The following NELL2 variants were observed in gnomAD, a reference collection of about 807,000 sequenced individuals.
NELL2 encodes protein kinase C-binding protein NELL2.
In NELL2, 41 loss-of-function variants were observed where a neutral mutation model predicts 109.6. The observed-to-expected ratio is 0.37, with a 90% confidence interval of 0.29 to 0.49. NELL2 has a LOEUF of 0.49. NELL2 is among the 20% of genes least tolerant of loss of function. The probability of loss-of-function intolerance (pLI) is 0.98; values close to 1 mark genes in which losing one functional copy is unlikely to be tolerated. For synonymous variants in NELL2, 355 were observed against 344.7 expected (o/e 1.03, Z -0.33); for missense variants, 900 against 1,008.3 (o/e 0.89, Z 1.45).
At chr12:44,554,503 G>A (rs779521224) in intron 15 of NELL2, among the ~76,000 whole-genome samples, 2 of 152,122 alleles carry the variant, frequency 1.3e-5, no homozygotes, top group Admixed American at 6.5e-5. Flanking sequence ...AAATTTTGGC[G>A]ATAATGGATA....
At chr12:44,682,792 A>G in intron 12 of NELL2, among the ~76,000 whole-genome samples, 2 of 152,144 alleles carry the variant, frequency 1.3e-5, no homozygotes, top group Non-Finnish European at 2.9e-5. Context: ...CTGTTTTGGT[A>G]CCAGTACCAT....
intron 15 of NELL2, among the ~76,000 whole-genome samples, chr12:44,567,519 A>G (rs941741414): frequency 6.6e-6 from 1 of 152,188 alleles, no homozygotes; most frequent in African/African-American, 2.4e-5. Context: ...TGAGAAAATG[A>G]AAAACAGAGG....
intron 9 of NELL2, among the ~76,000 whole-genome samples, chr12:44,743,422 T>C (rs1029876741): frequency 5.3e-5 from 8 of 152,140 alleles, no homozygotes; most frequent in South Asian, 2.1e-4. Context: ...GCTAACATCA[T>C]AATGACAGGA....
At chr12:44,619,108 G>C (rs184902322) in intron 13 of NELL2, among the ~76,000 whole-genome samples, 1 of 152,240 alleles carries the variant, frequency 6.6e-6, no homozygotes, top group East Asian at 1.9e-4. Flanking sequence ...GCATTACATG[G>C]GAAACAGGCC....
chr12:44,845,657 T>A (rs1055505981), intron 2 of NELL2, among the ~76,000 whole-genome samples: 8 of 152,180 alleles, frequency 5.3e-5, no homozygotes, highest in African/African-American at 1.9e-4. Context: ...AAACTGAATT[T>A]CTGAAGTGAA....
At chr12:44,543,809 T>C (rs1942679676) in intron 15 of NELL2, among the ~76,000 whole-genome samples, 2 of 152,162 alleles carry the variant, frequency 1.3e-5, no homozygotes, top group South Asian at 4.1e-4. Flanking sequence ...TTGCAAATCC[T>C]CTGGCTGCAA....
intron 3 of NELL2, among the ~76,000 whole-genome samples, chr12:44,791,134 TACACACGCACACAC>T (rs1257038582): frequency 4.9e-5 from 4 of 81,426 alleles, no homozygotes; most frequent in African/African-American, 2.0e-4. Context: ...TATATATATA[TACACACGCACACAC>T]ATACACACAC....
At chr12:44,670,045 A>G (rs1211186804) in intron 12 of NELL2, among the ~76,000 whole-genome samples, 1 of 152,194 alleles carries the variant, frequency 6.6e-6, no homozygotes, top group Non-Finnish European at 1.5e-5. Flanking sequence ...ATTTCTCAGC[A>G]GAAAATTAGA....
chr12:44,773,488 A>AG (rs1566360800), intron 9 of NELL2, among the ~76,000 whole-genome samples: 3 of 151,742 alleles, frequency 2.0e-5, no homozygotes, highest in African/African-American at 7.3e-5. Flanking sequence ...GAAAAAAAAA[A>AG]AAGAAGTTAA....
At chr12:44,747,444 T>TATAATA (rs200256759) in intron 9 of NELL2, among the ~76,000 whole-genome samples, 155 of 151,254 alleles carry the variant, frequency 1.0e-3, no homozygotes, top group African/African-American at 3.4e-3. Flanking sequence ...AAACTTCAAG[T>TATAATA]ATAATAATAA....
chr12:44,859,999 C>T (rs1343714892), intron 2 of NELL2, among the ~76,000 whole-genome samples: 2 of 152,158 alleles, frequency 1.3e-5, no homozygotes, highest in Admixed American at 6.5e-5. Flanking sequence ...AATATTAATG[C>T]TTTCTGACTT....
At chr12:44,570,982 G>A (rs984226710) in intron 15 of NELL2, among the ~76,000 whole-genome samples, 1 of 152,096 alleles carries the variant, frequency 6.6e-6, no homozygotes, top group Admixed American at 6.6e-5. Context: ...AAACCTATTG[G>A]GGTTCTTCTA....
chr12:44,573,715 T>C (rs940200299), intron 15 of NELL2, among the ~76,000 whole-genome samples: 4 of 152,194 alleles, frequency 2.6e-5, no homozygotes, highest in Non-Finnish European at 4.4e-5. Context: ...ATGAAACTAA[T>C]AGATATGGAG....
intron 1 of NELL2, among the ~76,000 whole-genome samples, chr12:44,891,090 C>T (rs1945528581): frequency 1.3e-5 from 2 of 152,252 alleles, no homozygotes; most frequent in East Asian, 1.9e-4. Flanking sequence ...TATCGCTGCC[C>T]CTCCAGGTTA....
rs767682943 is a variant in NELL2, at chr12:44,875,217, G to A, written c.184+8C>T. On this transcript the variant is annotated splice_region_variant and intron_variant, in intron 2 of 19. Transcript: ENST00000429094. ...AATCACAGTGGGGATGCAGCACGCCGGGCATACCTTGAAAGAGAAAGGCTT... is the reference window on the plus strand; with the variant it reads ...AATCACAGTGGGGATGCAGCACGCCAGGCATACCTTGAAAGAGAAAGGCTT... 1 of 1,607,504 alleles carries A rather than the reference G, an allele frequency of 6.2e-7. No homozygotes were observed. The highest frequency in any genetic ancestry group is 1.1e-5 in the South Asian group (1 of 90,690).
chr12:44,862,239 A>G (rs888786630), intron 2 of NELL2, among the ~76,000 whole-genome samples: 21 of 152,250 alleles, frequency 1.4e-4, no homozygotes, highest in Non-Finnish European at 2.4e-4. Flanking sequence ...TAACTTTGCC[A>G]TGAAATATCT....
intron 13 of NELL2, among the ~76,000 whole-genome samples, chr12:44,653,661 C>T (rs1947382793): frequency 6.6e-6 from 1 of 152,160 alleles, no homozygotes; most frequent in Non-Finnish European, 1.5e-5. Context: ...AGAACACCAA[C>T]AAAACCTTCT....
At chr12:44,695,118 G>C (rs1462622090) in intron 12 of NELL2, among the ~76,000 whole-genome samples, 1 of 149,458 alleles carries the variant, frequency 6.7e-6, no homozygotes, top group Non-Finnish European at 1.5e-5. Flanking sequence ...GGAAAGAGGA[G>C]GGAGAGAGGA....
At chr12:44,879,455 T>G (rs1942120032), upstream of NELL2, among the ~76,000 whole-genome samples, 1 of 150,688 alleles carries the variant, frequency 6.6e-6, no homozygotes, top group African/African-American at 2.5e-5. Context: ...TATACACATA[T>G]CAAAGCTAAG....
Sources: allele counts gnomAD v4.1 joint callset (sites outside exome capture counted in the v4.1 genomes callset), GRCh38; gene constraint gnomAD v4.1.1; transcripts MANE v1.5; gene names NCBI Gene and HGNC (gene_info 2026-07-23, HGNC 2026-07-21).